Variants in CPQ observed in about 807,000 individuals in gnomAD.
CPQ encodes carboxypeptidase Q, also known as Ser-Met dipeptidase.
Under a neutral mutation model 45.7 loss-of-function variants are expected in CPQ, and 37 were observed. The observed-to-expected ratio is 0.81, with a 90% CI of 0.62 to 1.07. The LOEUF is 1.07. CPQ is among the 50% of genes least tolerant of loss of function. The pLI is 0.00. For synonymous variants in CPQ, 186 were observed against 205.8 expected, an observed-to-expected ratio of 0.90 and a Z score of 0.82; for missense variants, 537 against 572.9, an observed-to-expected ratio of 0.94 and a Z score of 0.64.
intron 3 of CPQ, among the ~76,000 whole-genome samples, chr8:96,848,160 A>G (rs942943793): frequency 6.6e-6 from 1 of 152,162 alleles, no homozygotes; most frequent in Non-Finnish European, 1.5e-5. Flanking sequence ...AATATTTGAC[A>G]TCAAGGACAA....
At chr8:96,888,705 G>T (rs560823299) in intron 4 of CPQ, among the ~76,000 whole-genome samples, 2 of 152,316 alleles carry the variant, frequency 1.3e-5, no homozygotes, top group African/African-American at 4.8e-5. Context: ...TCTTTAAGAG[G>T]TAGCTTTGCA....
intron 5 of CPQ, among the ~76,000 whole-genome samples, chr8:97,021,477 A>ATCT: frequency 6.6e-6 from 1 of 152,312 alleles, no homozygotes; most frequent in African/African-American, 2.4e-5. Context: ...CTCCTCCAGA[A>ATCT]AGCTCCTAGA....
intron 2 of CPQ, among the ~76,000 whole-genome samples, chr8:96,818,839 A>G (rs1304648151): frequency 1.3e-5 from 2 of 152,080 alleles, no homozygotes; most frequent in Non-Finnish European, 2.9e-5. Flanking sequence ...TTGTTATTCA[A>G]TCCTCATCAA....
intron 4 of CPQ, among the ~76,000 whole-genome samples, chr8:96,952,168 T>A (rs1435884159): frequency 1.3e-5 from 2 of 152,046 alleles, no homozygotes; most frequent in Non-Finnish European, 2.9e-5. Context: ...AAATAAAAGG[T>A]CATGCATTAG....
chr8:97,036,068 T>C (rs911291282), intron 6 of CPQ, among the ~76,000 whole-genome samples: 2 of 152,158 alleles, frequency 1.3e-5, no homozygotes, highest in African/African-American at 4.8e-5. Context: ...CAAAGGCCTT[T>C]TTACCCTGCA....
chr8:96,863,453 C>CTGCT (rs1337901660), intron 3 of CPQ, among the ~76,000 whole-genome samples: 1 of 151,892 alleles, frequency 6.6e-6, no homozygotes, highest in Non-Finnish European at 1.5e-5. Flanking sequence ...GACTAAGTGT[C>CTGCT]TGCTTATACA....
chr8:97,073,618 G>C (rs956961751), intron 7 of CPQ, among the ~76,000 whole-genome samples: 1 of 152,150 alleles, frequency 6.6e-6, no homozygotes, highest in South Asian at 2.1e-4. Flanking sequence ...CAACAAGCAT[G>C]TGTTGAGTGC....
At chr8:96,688,966 A>G (rs921005550) in intron 1 of CPQ, among the ~76,000 whole-genome samples, 1 of 152,106 alleles carries the variant, frequency 6.6e-6, no homozygotes, top group Non-Finnish European at 1.5e-5. Flanking sequence ...TCTTAACCTC[A>G]TTGTTGTTTC....
intron 1 of CPQ, among the ~76,000 whole-genome samples, chr8:96,753,148 T>G (rs1054204802): frequency 3.9e-5 from 6 of 152,170 alleles, no homozygotes; most frequent in African/African-American, 1.4e-4. Context: ...ACACAAACCG[T>G]TTATAGAGTA....
chr8:96,668,880 A>G (rs1390067769), intron 1 of CPQ, among the ~76,000 whole-genome samples: 1 of 152,162 alleles, frequency 6.6e-6, no homozygotes, highest in Non-Finnish European at 1.5e-5. Flanking sequence ...ACAAAAAAAA[A>G]AAATCTCCAG....
intron 4 of CPQ, among the ~76,000 whole-genome samples, chr8:96,951,606 G>A (rs1433282927): frequency 2.0e-5 from 3 of 151,960 alleles, no homozygotes; most frequent in East Asian, 1.9e-4. Flanking sequence ...AAATAAAAAC[G>A]TAACTTACCT....
chr8:97,060,844 C>T (rs150416916), intron 6 of CPQ, among the ~76,000 whole-genome samples: 31 of 152,218 alleles, frequency 2.0e-4, no homozygotes, highest in African/African-American at 7.2e-4. Flanking sequence ...TAAGGATGTT[C>T]GTGACAATAT....
In CPQ at chr8:96,997,894, G is replaced by A. The variant is rs571717520; in HGVS notation, c.962-31509G>A. Among the ~76,000 whole-genome samples the A allele has an allele frequency of 9.9e-5, 15 of 152,090 alleles. 1 individual carries two copies. The South Asian group carries it at 2.5e-3, about 25-fold the overall frequency. On this transcript the variant is annotated intron_variant, in intron 5 of 7. Transcript: ENST00000220763. ...CTGGTGCTAGTTAGCATCCGAATTT[G>A]TAAAGTGAGCCATTTGTTGTATGTT...
chr8:96,760,053 C>G (rs958241588), intron 1 of CPQ, among the ~76,000 whole-genome samples: 3 of 152,158 alleles, frequency 2.0e-5, no homozygotes, highest in Non-Finnish European at 4.4e-5. Flanking sequence ...AGGCCTCAGC[C>G]CTAGCCACGT....
At chr8:96,961,773 A>C (rs1379138481) in intron 4 of CPQ, among the ~76,000 whole-genome samples, 1 of 152,192 alleles carries the variant, frequency 6.6e-6, no homozygotes, top group African/African-American at 2.4e-5. Context: ...GAACTCAATA[A>C]AAATTGTTGA....
At chr8:96,960,928 G>A (rs1278667061) in intron 4 of CPQ, among the ~76,000 whole-genome samples, 1 of 152,006 alleles carries the variant, frequency 6.6e-6, no homozygotes, top group Non-Finnish European at 1.5e-5. Flanking sequence ...TCCATTGTAT[G>A]ACTATTCCAC....
intron 6 of CPQ, among the ~76,000 whole-genome samples, chr8:97,050,368 C>T (rs1810340278): frequency 6.6e-6 from 1 of 152,100 alleles, no homozygotes; most frequent in African/African-American, 2.4e-5. Context: ...CAAACAATGA[C>T]AATGAATATA....
intron 6 of CPQ, among the ~76,000 whole-genome samples, chr8:97,033,579 AT>A (rs1291332997): frequency 1.3e-5 from 2 of 151,530 alleles, no homozygotes; most frequent in African/African-American, 4.8e-5. Flanking sequence ...ATGTAAGTAT[AT>A]TGTAGGAAGA....
chr8:96,766,756 G>A (rs1180800420), intron 1 of CPQ, among the ~76,000 whole-genome samples: 3 of 152,164 alleles, frequency 2.0e-5, no homozygotes, highest in Non-Finnish European at 4.4e-5. Flanking sequence ...TCTTGGCCAG[G>A]CACTAACAGC....
Sources: gnomAD v4.1 joint callset for allele counts (sites outside exome capture counted in the v4.1 genomes callset) on GRCh38, gnomAD v4.1.1 for gene constraint, MANE v1.5 for transcripts, NCBI Gene and HGNC (gene_info 2026-07-23, HGNC 2026-07-21) for gene names.